The following SPEN variants were observed in gnomAD, a reference collection of about 807,000 sequenced individuals.
SPEN encodes the protein spen family transcriptional repressor, also known as msx2-interacting protein.
Under a neutral mutation model 269.9 loss-of-function variants are expected in SPEN, and 18 were observed. The observed-to-expected ratio is 0.07, with a 90% CI of 0.05 to 0.10. The LOEUF (loss-of-function observed/expected upper bound fraction) is 0.10, where lower values mean the gene tolerates loss of function less well. SPEN is among the 10% of genes least tolerant of loss of function. The pLI is 1.00. For missense variants in SPEN, 3,822 were observed against 4,631.2 expected (o/e 0.83, Z 5.07); for synonymous variants, 1,726 against 1,765.7 (o/e 0.98, Z 0.56).
intron 7 of SPEN, 37 bp from the exon 8 acceptor site, chr1:15,919,367 G>C (rs1198328215): frequency 7.4e-7 from 1 of 1,348,886 alleles, no homozygotes; most frequent in Non-Finnish European, 1.0e-6. Context: ...TAGTAATTGT[G>C]AACTTTACTA....
chr1:15,907,843 A>C (rs982456619), intron 3 of SPEN, among the ~76,000 whole-genome samples: 11 of 152,220 alleles, frequency 7.2e-5, no homozygotes, highest in African/African-American at 4.8e-5. Context: ...AGGCATAATA[A>C]AGTTTTTTTC....
At chr1:15,869,429 AAAG>A (rs1030518489) in intron 1 of SPEN, among the ~76,000 whole-genome samples, 7 of 152,162 alleles carry the variant, frequency 4.6e-5, no homozygotes, top group Admixed American at 2.6e-4. Context: ...TTGTTACAAA[AAAG>A]GTAATATAAG....
At chr1:15,908,233 GT>G (rs971109251) in intron 3 of SPEN, among the ~76,000 whole-genome samples, 2 of 151,874 alleles carry the variant, frequency 1.3e-5, no homozygotes, top group African/African-American at 4.8e-5. Context: ...TTATTTGTTT[GT>G]TTTGTTTGTT....
chr1:15,863,363 G>A (rs1386889948), intron 1 of SPEN, among the ~76,000 whole-genome samples: 6 of 152,252 alleles, frequency 3.9e-5, no homozygotes, highest in African/African-American at 1.4e-4. Context: ...AGCTTTACTG[G>A]AAACAGATGC....
intron 3 of SPEN, among the ~76,000 whole-genome samples, chr1:15,888,915 C>A (rs2070763776): frequency 6.6e-6 from 1 of 152,132 alleles, no homozygotes; most frequent in African/African-American, 2.4e-5. Flanking sequence ...CAGGCATGAA[C>A]CACTGCGCCC....
intron 1 of SPEN, among the ~76,000 whole-genome samples, chr1:15,870,114 C>G (rs543819566): frequency 5.3e-5 from 8 of 152,228 alleles, no homozygotes; most frequent in Non-Finnish European, 8.8e-5. Context: ...AGGTGATCCA[C>G]CTGCCTCGGC....
intron 3 of SPEN, among the ~76,000 whole-genome samples, chr1:15,883,714 TA>T (rs2070710070): frequency 6.6e-6 from 1 of 151,000 alleles, no homozygotes; most frequent in African/African-American, 2.5e-5. Context: ...CCTGTCTGTA[TA>T]TTTTTTTTTA....
chr1:15,931,772 T>G lies in SPEN; in HGVS notation c.5532T>G (p.Ser1844Arg). 6.2e-7 allele frequency: 1 copy of G among 1,613,614 alleles called. No individual in the cohort carries two copies. The highest frequency in any genetic ancestry group is 8.5e-7 in the Non-Finnish European group (1 of 1,179,882). Residue 1844 changes from serine to arginine, a missense_variant, in exon 11 of 15, where the codon AGT (serine) becomes AGG (arginine). Ser to Arg is a moderately radical substitution (Grantham distance 110, BLOSUM62 -1). This residue lies in a region of SPEN where 533 missense variants were observed against 618.8 expected (regional missense o/e 0.86). Coordinates refer to ENST00000375759, the MANE Select transcript of SPEN (RefSeq NM_015001.3). This position sits in a 1 kb window ranked among gnomAD's most constrained non-coding sequence, Gnocchi z 4.8. ...TGGAGAAGCCCGTCACAAGGAAGAGTGAGAGGATAGACCGGGAAAAACTCA... is the reference window on the plus strand; with the variant it reads ...TGGAGAAGCCCGTCACAAGGAAGAGGGAGAGGATAGACCGGGAAAAACTCA... Reference protein sequence around the residue: ...SIVEKPVTRKSERIDREKLKR... With the variant: ...SIVEKPVTRKRERIDREKLKR...
In SPEN at chr1:15,935,185, T is replaced by G; in HGVS notation, c.8945T>G (p.Leu2982Arg). The change falls in exon 11 of 15, where the codon CTC (leucine) becomes CGC (arginine). Residue 2982 changes from leucine (L) to arginine (R), a missense_variant. This residue lies in a region of SPEN where 94 missense variants were observed against 90.4 expected (regional missense o/e 1.04). Transcript: ENST00000375759. This position sits in a 1 kb window ranked among gnomAD's most constrained non-coding sequence, Gnocchi z 7.7. ...CAGCCGGCCAACCTGGGGTCCACGC[T>G]CACGCCCCACCACCCTCCTGCTCTG... ...VLQPANLGST[L>R]TPHHPPALPS... 6.2e-7 allele frequency: 1 copy of G among 1,613,924 alleles called. No homozygotes were observed. Among genetic ancestry groups the G allele is most frequent in the Non-Finnish European group, 8.5e-7 (1 of 1,179,934 alleles).
In SPEN at chr1:15,930,023, T is replaced by C. The variant is rs1049400963; in HGVS notation, c.3783T>C (p.Ser1261=). ...ISEDSERTGG[S]PSVRHGSFHE... ...AAGATTCTGAAAGGACTGGTGGTTC[T>C]CCCAGTGTCCGACATGGTTCCTTCC... Residue 1261 remains serine (S), a synonymous_variant, in exon 11 of 15, where the codon TCT becomes TCC. Coordinates refer to ENST00000375759, the MANE Select transcript of SPEN (RefSeq NM_015001.3). This position sits in a 1 kb window ranked among gnomAD's most constrained non-coding sequence, Gnocchi z 5.3. 6.2e-6 allele frequency: 10 copies of C among 1,614,050 alleles called. No homozygotes were observed. The African/African-American group carries it at 1.2e-4, about 19-fold the overall frequency.
At chr1:15,924,123 G>C (rs893911711) in intron 10 of SPEN, among the ~76,000 whole-genome samples, 1 of 152,264 alleles carries the variant, frequency 6.6e-6, no homozygotes, top group Admixed American at 6.5e-5. Context: ...TCGATAGACT[G>C]TTTTCTCAGT....
chr1:15,920,965 CGGT>C lies in SPEN; in HGVS notation c.1734_1736del (p.Gly579del). The C allele has an allele frequency of 1.2e-6, 2 of 1,606,062 alleles. No individual in the cohort carries two copies. The highest frequency in any genetic ancestry group is 1.7e-4 in the Middle Eastern group (1 of 6,040). On this transcript the variant is annotated inframe_deletion, in exon 9 of 15. Transcript: ENST00000375759. The stretch of plus-strand genomic sequence containing the variant: ...TAAAAGAGACCAAAGGGAGGAAAAT[CGGT>C]GGGAATAAAATTAAGGTGTGCAGAA...
chr1:15,874,263 A>G, intron 2 of SPEN: 1 of 1,366,518 alleles, frequency 7.3e-7, no homozygotes, highest in Non-Finnish European at 9.8e-7. Context: ...TCATCTAAAT[A>G]TCATTTGACA....
rs1470820355 is a variant in SPEN, at chr1:15,934,871, T to C, written c.8631T>C (p.Tyr2877=). Reference sequence around the variant, plus strand: ...AAGGCCCTCAAGCTCCTGCAGGCTATGCGAACGTGGCCACCCATTCCACGT... The same window carrying C: ...AAGGCCCTCAAGCTCCTGCAGGCTACGCGAACGTGGCCACCCATTCCACGT... ...PSKGPQAPAG[Y]ANVATHSTLV... Residue 2877 remains tyrosine (Y), a synonymous_variant, in exon 11 of 15, where the codon TAT becomes TAC. Coordinates refer to ENST00000375759, the MANE Select transcript of SPEN (RefSeq NM_015001.3). The surrounding 1 kb of genome is among the most constrained non-coding windows in gnomAD (Gnocchi z 9.2). 2.5e-6 allele frequency: 4 copies of C among 1,614,018 alleles called. No individual in the cohort carries two copies. The highest frequency in any genetic ancestry group is 3.4e-6 in the Non-Finnish European group (4 of 1,180,026).
chr1:15,919,159 C>T, intron 7 of SPEN, 108 bp downstream of exon 7: 2 of 949,946 alleles, frequency 2.1e-6, no homozygotes. Context: ...CCTACTAAGA[C>T]AGATAACCAT....
intron 1 of SPEN, among the ~76,000 whole-genome samples, chr1:15,867,066 C>T (rs1408416046): frequency 6.6e-6 from 1 of 152,162 alleles, no homozygotes; most frequent in African/African-American, 2.4e-5. Context: ...CAGAGTTGCG[C>T]AACCATTATC....
intron 10 of SPEN, among the ~76,000 whole-genome samples, chr1:15,926,007 A>T (rs1311518221): frequency 6.6e-6 from 1 of 152,226 alleles, no homozygotes; most frequent in Non-Finnish European, 1.5e-5. Context: ...TCTGATTTCC[A>T]TGGAGCTATG....
Position 15,934,167 on chromosome 1 carries a change from G to A in SPEN, c.7927G>A (p.Ala2643Thr). 1 of 1,614,220 alleles carries A rather than the reference G, an allele frequency of 6.2e-7. No individual in the cohort carries two copies. Among genetic ancestry groups the A allele is most frequent in the Admixed American group, 1.7e-5 (1 of 60,022 alleles). The change falls in exon 11 of 15, where the codon GCT becomes ACT. Residue 2643 changes from alanine to threonine, a missense_variant. This residue lies in a region of SPEN where 329 missense variants were observed against 431.2 expected (regional missense o/e 0.76). Coordinates refer to ENST00000375759, the MANE Select transcript of SPEN (RefSeq NM_015001.3). This position sits in a 1 kb window ranked among gnomAD's most constrained non-coding sequence, Gnocchi z 9.2. ...ACAGAAGATAACCTTGGCAAAACCA[G>A]CTCCTCAAACCCTCACTGGTCTGGT... Reference protein sequence around the residue: ...NSQKITLAKPAPQTLTGLVSA... With the variant: ...NSQKITLAKPTPQTLTGLVSA...
chr1:15,854,124 T>C (rs1259192256), intron 1 of SPEN, among the ~76,000 whole-genome samples: 3 of 152,092 alleles, frequency 2.0e-5, no homozygotes, highest in Non-Finnish European at 4.4e-5. Context: ...TTTTAAAACA[T>C]TTTTAGTGTT....
Sources: gnomAD v4.1 joint callset for allele counts (sites outside exome capture counted in the v4.1 genomes callset) on GRCh38, gnomAD v4.1.1 for gene constraint, gnomAD v4.1.1 regional missense constraint, Gnocchi (gnomAD v3.1) non-coding constraint, MANE v1.5 for transcripts, NCBI Gene and HGNC (gene_info 2026-07-23, HGNC 2026-07-21) for gene names.